TNIK: variants seen among roughly 807,000 people sequenced by gnomAD.
TNIK encodes TRAF2 and NCK interacting kinase.
Under a neutral mutation model 191.3 loss-of-function variants are expected in TNIK, and 49 were observed. The observed-to-expected ratio is 0.26, with a 90% CI of 0.20 to 0.32. The LOEUF (loss-of-function observed/expected upper bound fraction) is 0.32. Among genes scored for constraint, TNIK ranks in the 10% least tolerant of loss-of-function variants. TNIK has a pLI of 1.00. For missense variants in TNIK, 1,155 were observed against 1,702.3 expected, an observed-to-expected ratio of 0.68 and a Z score of 5.66; for synonymous variants, 594 against 600.9, an observed-to-expected ratio of 0.99 and a Z score of 0.17.
intron 1 of TNIK, among the ~76,000 whole-genome samples, chr3:171,382,737 T>G (rs1718205332): frequency 6.6e-6 from 1 of 152,172 alleles, no homozygotes; most frequent in African/African-American, 2.4e-5. Context: ...AGTCTGGTAC[T>G]TGGATAGCTG....
intron 23 of TNIK, among the ~76,000 whole-genome samples, chr3:171,089,894 A>T (rs917606547): frequency 1.4e-4 from 22 of 152,146 alleles, no homozygotes; most frequent in African/African-American, 5.1e-4. Context: ...ACGGGTTCTA[A>T]GTGGTTTGAA....
At chr3:171,411,083 T>C (rs929845335) in intron 1 of TNIK, among the ~76,000 whole-genome samples, 1 of 147,924 alleles carries the variant, frequency 6.8e-6, no homozygotes, top group African/African-American at 2.5e-5. Context: ...TTTTTTTTTT[T>C]AGAGACAGGG....
Position 171,063,913 on chromosome 3 carries a change from T to C in TNIK, c.4051A>G (p.Thr1351Ala). 6.2e-7 allele frequency: 1 copy of C among 1,613,772 alleles called. No homozygotes were observed. ...SGGSSQVFFM[T>A]LNRNSMMNW ...TTCATCATGGAATTTCTGTTGAGGG[T>C]CATGAAAAACACTTGGCTACTTCCT... Residue 1351 changes from threonine (T) to alanine (A), a missense_variant, in exon 33 of 33, where the codon ACC becomes GCC. Thr to Ala is a moderately conservative substitution (Grantham distance 58). This residue lies in a region of TNIK where 195 missense variants were observed against 415.4 expected (regional missense o/e 0.47). Coordinates refer to ENST00000436636, the MANE Select transcript of TNIK (RefSeq NM_015028.4).
chr3:171,108,876 G>C (rs1260636740), intron 19 of TNIK, among the ~76,000 whole-genome samples: 13 of 152,188 alleles, frequency 8.5e-5, no homozygotes, highest in Non-Finnish European at 1.5e-5. Context: ...GACAGCTGCA[G>C]AGTGAATAGC....
Position 171,108,117 on chromosome 3 carries a change from G to T in TNIK, c.2330C>A (p.Ala777Glu). 6.3e-7 allele frequency: 1 copy of T among 1,576,954 alleles called. No homozygotes were observed. Among genetic ancestry groups the T allele is most frequent in the Non-Finnish European group, 8.6e-7 (1 of 1,160,170 alleles). Residue 777 changes from alanine to glutamate, a missense_variant, in exon 20 of 33, where the codon GCG becomes GAG. Around this residue, in one of 3 missense-constraint regions of TNIK, gnomAD observed 735 missense variants for 848.0 expected, o/e 0.87. Transcript: ENST00000436636. ...EGSPVLPHEP[A>E]KVKPEESRDI... The stretch of plus-strand genomic sequence containing the variant: ...CCTGGATTCTTCTGGTTTCACCTTC[G>T]CAGGCTCATGGGGGAGCACAGGTGA...
intron 1 of TNIK, among the ~76,000 whole-genome samples, chr3:171,435,289 A>G (rs927838695): frequency 3.3e-5 from 5 of 152,240 alleles, no homozygotes. Context: ...ATCATCAACA[A>G]AAAGAATGGA....
intron 4 of TNIK, among the ~76,000 whole-genome samples, chr3:171,198,548 A>G: frequency 6.6e-6 from 1 of 152,190 alleles, no homozygotes; most frequent in Non-Finnish European, 1.5e-5. Flanking sequence ...GGTAAATTTT[A>G]TGTTTATGTT....
At chr3:171,082,445 T>A (rs375308713) in intron 26 of TNIK, 51 bp from the exon 27 acceptor site, 1 of 1,583,336 alleles carries the variant, frequency 6.3e-7, no homozygotes, top group Non-Finnish European at 8.6e-7. Flanking sequence ...ACTTTAATCT[T>A]CTGCATCGAG....
chr3:171,316,247 C>T (rs1182971741), intron 2 of TNIK, among the ~76,000 whole-genome samples: 2 of 152,010 alleles, frequency 1.3e-5, no homozygotes, highest in African/African-American at 4.8e-5. Context: ...AAGAAATAAT[C>T]GTTGAATGAA....
chr3:171,122,193 A>G (rs1040610014), intron 18 of TNIK, among the ~76,000 whole-genome samples: 5 of 152,372 alleles, frequency 3.3e-5, no homozygotes, highest in Admixed American at 3.3e-4. Context: ...AAATACTTAA[A>G]GTTGAAATAA....
At chr3:171,252,375 T>TA (rs1746342299) in intron 2 of TNIK, among the ~76,000 whole-genome samples, 1 of 152,158 alleles carries the variant, frequency 6.6e-6, no homozygotes, top group African/African-American at 2.4e-5. Context: ...ACTGTGCACT[T>TA]ATATAGGCAG....
At chr3:171,353,690 A>G (rs1048769303) in intron 2 of TNIK, among the ~76,000 whole-genome samples, 7 of 152,234 alleles carry the variant, frequency 4.6e-5, no homozygotes, top group Admixed American at 4.6e-4. Flanking sequence ...TTCTGAACTC[A>G]TCTTAACCTC....
At chr3:171,374,964 G>A (rs1351973418) in intron 1 of TNIK, among the ~76,000 whole-genome samples, 1 of 152,206 alleles carries the variant, frequency 6.6e-6, no homozygotes, top group Non-Finnish European at 1.5e-5. Flanking sequence ...GAGCGGCAGA[G>A]CCAGGATGTT....
intron 4 of TNIK, 92 bp from the exon 5 acceptor site, chr3:171,194,727 G>A: frequency 1.9e-6 from 2 of 1,055,530 alleles, no homozygotes; most frequent in Non-Finnish European, 1.4e-6. Context: ...TGGCTGCTTT[G>A]GAATGCCATT....
chr3:171,132,438 C>T (rs368391176), intron 15 of TNIK, among the ~76,000 whole-genome samples: 1 of 152,170 alleles, frequency 6.6e-6, no homozygotes, highest in East Asian at 1.9e-4. Flanking sequence ...AAATTCTGCT[C>T]TAGACAGGTC....
chr3:171,355,881 TCC>T (rs1713981249), intron 2 of TNIK, among the ~76,000 whole-genome samples: 1 of 152,060 alleles, frequency 6.6e-6, no homozygotes, highest in Admixed American at 6.6e-5. Flanking sequence ...TCATTGTCTC[TCC>T]CCACCCTCAA....
chr3:171,098,943 G>A (rs533182966), intron 22 of TNIK, among the ~76,000 whole-genome samples: 23 of 151,966 alleles, frequency 1.5e-4, no homozygotes, highest in African/African-American at 4.8e-4. Flanking sequence ...TGTACCCTTC[G>A]TACCCTTATT....
At chr3:171,355,242 C>G (rs1342582970) in intron 2 of TNIK, among the ~76,000 whole-genome samples, 1 of 152,128 alleles carries the variant, frequency 6.6e-6, no homozygotes, top group African/African-American at 2.4e-5. Flanking sequence ...TGGCTTCAGG[C>G]ACCTCCTCCC....
intron 2 of TNIK, among the ~76,000 whole-genome samples, chr3:171,246,258 C>T (rs1311883375): frequency 6.6e-6 from 1 of 151,716 alleles, no homozygotes; most frequent in East Asian, 1.9e-4. Context: ...TAAATTAGAT[C>T]CCACTGACAC....
Sources: gnomAD v4.1 joint callset for allele counts (sites outside exome capture counted in the v4.1 genomes callset) on GRCh38, gnomAD v4.1.1 for gene constraint, gnomAD v4.1.1 regional missense constraint, MANE v1.5 for transcripts, NCBI Gene and HGNC (gene_info 2026-07-23, HGNC 2026-07-21) for gene names.